The following GMDS variants were observed in gnomAD, a reference collection of about 807,000 sequenced individuals.
The protein encoded by GMDS is GDP-mannose 4,6 dehydratase.
A neutral mutation model predicts 49.9 loss-of-function variants in GMDS; 20 were observed. The ratio of observed to expected loss-of-function variants is 0.40; its 90% CI spans 0.28 to 0.58. The LOEUF is 0.58. GMDS is among the 20% of genes least tolerant of loss of function. The pLI is 0.42. For missense variants in GMDS, 362 were observed against 481.4 expected (o/e 0.75, Z 2.32); for synonymous variants, 177 against 178.6 (o/e 0.99, Z 0.07).
chr6:1,981,843 T>C (rs1765235995), intron 4 of GMDS, among the ~76,000 whole-genome samples: 1 of 152,254 alleles, frequency 6.6e-6, no homozygotes, highest in Non-Finnish European at 1.5e-5. Context: ...GTTGGCTTCA[T>C]GCCCAGGATG....
chr6:1,965,184 T>C (rs1764196537), intron 4 of GMDS, among the ~76,000 whole-genome samples: 1 of 152,178 alleles, frequency 6.6e-6, no homozygotes, highest in African/African-American at 2.4e-5. Flanking sequence ...TTTGGGTATA[T>C]ACCCAGTAAT....
At chr6:1,866,457 T>C (rs953766967) in intron 7 of GMDS, among the ~76,000 whole-genome samples, 3 of 152,284 alleles carry the variant, frequency 2.0e-5, no homozygotes, top group Admixed American at 6.5e-5. Context: ...AGGTAGTTAG[T>C]AGTGAGTATG....
chr6:1,626,301 T>C (rs1762847811), intron 9 of GMDS: 1 of 152,214 alleles, frequency 6.6e-6, no homozygotes, highest in Non-Finnish European at 1.5e-5. Flanking sequence ...CTCCCCAGAG[T>C]GTTAATAGTA....
intron 7 of GMDS, among the ~76,000 whole-genome samples, chr6:1,906,251 T>C (rs1260353011): frequency 6.6e-6 from 1 of 152,182 alleles, no homozygotes; most frequent in Non-Finnish European, 1.5e-5. Flanking sequence ...ATTCTGTGGG[T>C]GGTCAGTTCC....
chr6:2,239,548 T>A (rs1439663387), intron 1 of GMDS, among the ~76,000 whole-genome samples: 6 of 152,160 alleles, frequency 3.9e-5, no homozygotes, highest in Admixed American at 3.9e-4. Context: ...ACTCAAAAAA[T>A]GTAAGGCTAT....
intron 7 of GMDS, among the ~76,000 whole-genome samples, chr6:1,929,362 C>A (rs3800140): frequency 0.026 from 3,927 of 152,252 alleles, 158 homozygotes; most frequent in East Asian, 0.18. Context: ...TCATGTCTGA[C>A]CACAGAACCA....
At chr6:2,184,566 G>C (rs1042034620) in intron 1 of GMDS, among the ~76,000 whole-genome samples, 1 of 152,176 alleles carries the variant, frequency 6.6e-6, no homozygotes, top group South Asian at 2.1e-4. Context: ...TCAGCTCAGA[G>C]AGGCTGCCCG....
chr6:2,102,055 C>A (rs187176798), intron 4 of GMDS, among the ~76,000 whole-genome samples: 3 of 152,120 alleles, frequency 2.0e-5, no homozygotes, highest in African/African-American at 7.2e-5. Flanking sequence ...ATTACTTAAG[C>A]TATTATTATA....
At chr6:2,000,794 T>G (rs1467045452) in intron 4 of GMDS, among the ~76,000 whole-genome samples, 1 of 152,196 alleles carries the variant, frequency 6.6e-6, no homozygotes, top group African/African-American at 2.4e-5. Flanking sequence ...CCCAAGTAAC[T>G]GGAACTATAG....
chr6:1,784,269 G>C (rs562141401), intron 7 of GMDS, among the ~76,000 whole-genome samples: 44 of 151,386 alleles, frequency 2.9e-4, no homozygotes, highest in African/African-American at 1.1e-3. Flanking sequence ...GCGGGCACCT[G>C]TAATCCCAGC....
intron 7 of GMDS, among the ~76,000 whole-genome samples, chr6:1,769,492 C>G (rs1271927771): frequency 6.6e-6 from 1 of 152,216 alleles, no homozygotes; most frequent in Non-Finnish European, 1.5e-5. Context: ...CCCTGCCTTC[C>G]CTTTTGCTAA....
chr6:1,900,214 C>G (rs1760429677), intron 7 of GMDS, among the ~76,000 whole-genome samples: 2 of 152,184 alleles, frequency 1.3e-5, no homozygotes. Flanking sequence ...GGGGTGACCT[C>G]CATGGAGTTC....
At chr6:1,943,452 T>G (rs1310316543) in intron 6 of GMDS, among the ~76,000 whole-genome samples, 4 of 152,220 alleles carry the variant, frequency 2.6e-5, no homozygotes, top group South Asian at 2.1e-4. Flanking sequence ...GTCTCGCCAG[T>G]GTCTAACACA....
At chr6:2,034,010 A>G (rs1769132530) in intron 4 of GMDS, among the ~76,000 whole-genome samples, 1 of 152,182 alleles carries the variant, frequency 6.6e-6, no homozygotes, top group African/African-American at 2.4e-5. Flanking sequence ...ATCCATTTCA[A>G]TTTTTTAGTC....
intron 9 of GMDS, among the ~76,000 whole-genome samples, chr6:1,675,585 G>T (rs551701868): frequency 6.6e-6 from 1 of 152,218 alleles, no homozygotes; most frequent in Admixed American, 6.5e-5. Context: ...GGGTGCGGTG[G>T]CTCATGCCTG....
At chr6:2,074,135 C>T (rs1410354679) in intron 4 of GMDS, among the ~76,000 whole-genome samples, 1 of 152,204 alleles carries the variant, frequency 6.6e-6, no homozygotes, top group African/African-American at 2.4e-5. Context: ...TTCCCACAAC[C>T]AGTGTACAAG....
intron 7 of GMDS, among the ~76,000 whole-genome samples, chr6:1,923,945 G>A (rs1249226990): frequency 2.6e-5 from 4 of 152,142 alleles, no homozygotes; most frequent in Non-Finnish European, 5.9e-5. Context: ...CCTTCCCCAG[G>A]TCTCTGTATT....
chr6:1,632,852 C>G (rs1453065040), intron 9 of GMDS, among the ~76,000 whole-genome samples: 2 of 152,198 alleles, frequency 1.3e-5, no homozygotes, highest in Non-Finnish European at 2.9e-5. Flanking sequence ...GTACTCCAGC[C>G]TAGGTGACAG....
At chr6:1,659,371 A>T (rs527680267) in intron 9 of GMDS, among the ~76,000 whole-genome samples, 39 of 152,022 alleles carry the variant, frequency 2.6e-4, no homozygotes, top group Non-Finnish European at 5.1e-4. Context: ...TCCCATGGGG[A>T]CAGAGTTTCA....
Sources: gnomAD v4.1 joint callset for allele counts (sites outside exome capture counted in the v4.1 genomes callset) on GRCh38, gnomAD v4.1.1 for gene constraint, MANE v1.5 for transcripts, NCBI Gene and HGNC (gene_info 2026-07-23, HGNC 2026-07-21) for gene names.